Variants in TMEM131L observed in about 807,000 individuals in gnomAD.
The protein encoded by TMEM131L is transmembrane 131 like.
In TMEM131L, 54 loss-of-function variants were observed where a neutral mutation model predicts 192.2. That is an observed-to-expected ratio of 0.28 (90% CI 0.23 to 0.35). The LOEUF (loss-of-function observed/expected upper bound fraction) is 0.35. TMEM131L is among the 10% of genes least tolerant of loss of function. TMEM131L has a pLI of 1.00. For synonymous variants in TMEM131L, 701 were observed against 704.9 expected (o/e 0.99, Z 0.09); for missense variants, 1,888 against 1,972.9 (o/e 0.96, Z 0.82).
chr4:153,539,346 A>G (rs1407804823), intron 3 of TMEM131L, among the ~76,000 whole-genome samples: 1 of 152,180 alleles, frequency 6.6e-6, no homozygotes, highest in Non-Finnish European at 1.5e-5. Context: ...GTGGGGTTAT[A>G]TTATATAAGT....
intron 3 of TMEM131L, among the ~76,000 whole-genome samples, chr4:153,516,766 T>A (rs978656806): frequency 1.3e-5 from 2 of 152,184 alleles, no homozygotes; most frequent in African/African-American, 4.8e-5. Context: ...GTCAGTTTCT[T>A]ACGAGCCTCC....
intron 31 of TMEM131L, among the ~76,000 whole-genome samples, chr4:153,630,255 T>C (rs1176507573): frequency 6.6e-6 from 1 of 152,206 alleles, no homozygotes; most frequent in East Asian, 1.9e-4. Context: ...CAATCTGCTT[T>C]GTCTGTCTCA....
chr4:153,622,152 G>C (rs1329266406), intron 28 of TMEM131L, among the ~76,000 whole-genome samples: 1 of 152,162 alleles, frequency 6.6e-6, no homozygotes, highest in Non-Finnish European at 1.5e-5. Context: ...GTGAAAGGGG[G>C]GAGTAGCCAA....
Position 153,604,155 on chromosome 4 carries a change from C to A in TMEM131L, c.3143C>A (p.Thr1048Asn), listed in dbSNP as rs1420117645. 1.9e-6 allele frequency: 3 copies of A among 1,614,022 alleles called. No homozygotes were observed. The highest frequency in any genetic ancestry group is 1.3e-5 in the African/African-American group (1 of 74,926). ...GINVNLQKNLTLPKNLLNKEE... is the reference protein window; with the variant it reads ...GINVNLQKNLNLPKNLLNKEE... ...AATGTCAACCTGCAGAAGAATTTAA[C>A]CCTTCCCAAAAACTTACTGAATAAA... The change falls in exon 25 of 35, where the codon ACC (threonine) becomes AAC (asparagine). Residue 1048 changes from threonine to asparagine, a missense_variant. By Grantham distance (65) the Thr-to-Asn change is moderately conservative. Transcript: ENST00000409959.
At chr4:153,470,468 A>G (rs1731074083) in intron 2 of TMEM131L, among the ~76,000 whole-genome samples, 1 of 152,248 alleles carries the variant, frequency 6.6e-6, no homozygotes, top group African/African-American at 2.4e-5. Flanking sequence ...CTCTCATGTC[A>G]TAAAATCATT....
At chr4:153,551,638 G>C (rs530068104) in intron 4 of TMEM131L, among the ~76,000 whole-genome samples, 2 of 152,060 alleles carry the variant, frequency 1.3e-5, no homozygotes, top group African/African-American at 4.8e-5. Flanking sequence ...TTACAGGCAT[G>C]AGCCACCGCA....
intron 3 of TMEM131L, among the ~76,000 whole-genome samples, chr4:153,545,248 C>T (rs1330867822): frequency 6.6e-6 from 1 of 151,044 alleles, no homozygotes; most frequent in Non-Finnish European, 1.5e-5. Flanking sequence ...AGCACCTTCT[C>T]ATTTCCAGTG....
At chr4:153,603,127 A>G (rs932218808) in intron 23 of TMEM131L, among the ~76,000 whole-genome samples, 176 bp from the exon 24 acceptor site, 4 of 152,188 alleles carry the variant, frequency 2.6e-5, no homozygotes, top group African/African-American at 9.7e-5. Context: ...AATTTTGGAA[A>G]CTTTTGTGTG....
intron 3 of TMEM131L, among the ~76,000 whole-genome samples, chr4:153,501,353 A>C (rs935311945): frequency 6.6e-6 from 1 of 152,016 alleles, no homozygotes; most frequent in Non-Finnish European, 1.5e-5. Context: ...GGCGCGTGCC[A>C]CCACACCCGG....
intron 34 of TMEM131L, 122 bp downstream of exon 34, chr4:153,635,693 C>A: frequency 8.7e-7 from 1 of 1,145,034 alleles, no homozygotes. Context: ...GCCTGGCTTG[C>A]TTCTTTTAGA....
In TMEM131L at chr4:153,632,778, A is replaced by T; in HGVS notation, c.4268A>T (p.Asn1423Ile). Residue 1423 changes from asparagine to isoleucine, a missense_variant, in exon 32 of 35, where the codon AAC becomes ATC. Transcript: ENST00000409959. ...CCAGTGTGTGTGACAAGCAGCTTAA[A>T]CTGCACCCTGGAGAACGGCGTGCCT... is the stretch of plus-strand genomic sequence containing the variant. ...TPPVCVTSSL[N>I]CTLENGVPCV... 1 of 1,613,966 alleles carries T rather than the reference A, an allele frequency of 6.2e-7. No homozygotes were observed. Among genetic ancestry groups the T allele is most frequent in the Non-Finnish European group, 8.5e-7 (1 of 1,179,990 alleles).
At chr4:153,478,414 T>C (rs1731699353) in intron 3 of TMEM131L, among the ~76,000 whole-genome samples, 1 of 152,186 alleles carries the variant, frequency 6.6e-6, no homozygotes, top group African/African-American at 2.4e-5. Flanking sequence ...TGCTTTAGAG[T>C]AGATTTAAAT....
intron 3 of TMEM131L, among the ~76,000 whole-genome samples, chr4:153,514,504 T>C (rs1734573823): frequency 6.6e-6 from 1 of 152,228 alleles, no homozygotes; most frequent in African/African-American, 2.4e-5. Context: ...TAGCTGATTA[T>C]TGAGGGCTTA....
rs746570760 is a variant in TMEM131L, at chr4:153,636,488, A to G, written c.4745A>G (p.Tyr1582Cys). ...CCGGGGTTCAACCCGTTTCGCGCCTATATGAACCTGGACATATGGACTACC... is the reference window on the plus strand; with the variant it reads ...CCGGGGTTCAACCCGTTTCGCGCCTGTATGAACCTGGACATATGGACTACC... ...YYPGFNPFRA[Y>C]MNLDIWTTTA... is the part of the protein sequence containing the mutation. The change falls in exon 35 of 35, where the codon TAT becomes TGT. Residue 1582 changes from tyrosine to cysteine, a missense_variant. Tyr to Cys is a radical substitution (Grantham distance 194). Transcript: ENST00000409959. The G allele has an allele frequency of 2.5e-5, 41 of 1,614,094 alleles. No individual in the cohort carries two copies. The highest frequency in any genetic ancestry group is 3.4e-5 in the Non-Finnish European group (40 of 1,180,044).
chr4:153,518,133 G>T (rs1734862049), intron 3 of TMEM131L, among the ~76,000 whole-genome samples: 1 of 152,172 alleles, frequency 6.6e-6, no homozygotes, highest in East Asian at 1.9e-4. Context: ...TGCCGGGCTT[G>T]ATTCCAGCCA....
At chr4:153,571,923 T>C (rs1729612968) in intron 7 of TMEM131L, among the ~76,000 whole-genome samples, 1 of 152,232 alleles carries the variant, frequency 6.6e-6, no homozygotes, top group Non-Finnish European at 1.5e-5. Context: ...TTAGAGTCTT[T>C]TAAAAGCTCC....
intron 2 of TMEM131L, among the ~76,000 whole-genome samples, chr4:153,473,454 T>A (rs1226599705): frequency 6.6e-6 from 1 of 152,098 alleles, no homozygotes; most frequent in Non-Finnish European, 1.5e-5. Flanking sequence ...TAGGTCTTTC[T>A]GGTAGGAGGT....
Position 153,623,077 on chromosome 4 carries a change from C to T in TMEM131L, c.4039C>T (p.Pro1347Ser), listed in dbSNP as rs748904739. 2.5e-6 allele frequency: 4 copies of T among 1,599,768 alleles called. No homozygotes were observed. The East Asian group carries it at 8.9e-5, about 36-fold the overall frequency. ...CATGGTGGACGCCCAGCACTTCCTGCCGGCCGGTGAGTCCTGAGCAGAGCC... is the reference window on the plus strand; with the variant it reads ...CATGGTGGACGCCCAGCACTTCCTGTCGGCCGGTGAGTCCTGAGCAGAGCC... Reference protein sequence around the residue: ...KPMVDAQHFLPAGDSVSQNDF... With the variant: ...KPMVDAQHFLSAGDSVSQNDF... Residue 1347 changes from proline to serine, a missense_variant, in exon 29 of 35, where the codon CCG becomes TCG. Transcript: ENST00000409959.
chr4:153,558,908 A>T (rs1186030973), intron 7 of TMEM131L: 1 of 152,244 alleles, frequency 6.6e-6, no homozygotes, highest in Non-Finnish European at 1.5e-5. Context: ...AATTCTTTTA[A>T]TATACATTTC....
Sources: gnomAD v4.1 joint callset for allele counts (sites outside exome capture counted in the v4.1 genomes callset) on GRCh38, gnomAD v4.1.1 for gene constraint, MANE v1.5 for transcripts, NCBI Gene and HGNC (gene_info 2026-07-23, HGNC 2026-07-21) for gene names.